IGSF9: variants seen among roughly 807,000 people sequenced by gnomAD.
The protein encoded by IGSF9 is immunoglobulin superfamily member 9.
Under a neutral mutation model 121.7 loss-of-function variants are expected in IGSF9, and 87 were observed. The observed-to-expected ratio is 0.71, with a 90% CI of 0.60 to 0.85. The LOEUF (loss-of-function observed/expected upper bound fraction) is 0.85, where lower values mean the gene tolerates loss of function less well. Ranked by LOEUF, IGSF9 falls within the 40% of genes least tolerant of loss-of-function variation. The pLI is 0.00. For synonymous variants in IGSF9, 640 were observed against 648.4 expected (o/e 0.99, Z 0.20); for missense variants, 1,462 against 1,565.3 (o/e 0.93, Z 1.11).
At position 159,942,930 on chromosome 1, in the gene IGSF9, C is replaced by T. The variant is rs763866189; in HGVS notation, c.247+33G>A. The T allele has an allele frequency of 6.9e-6, 11 of 1,591,784 alleles. No homozygotes were observed. The East Asian group carries it at 1.8e-4, about 26-fold the overall frequency. On this transcript the variant is annotated intron_variant, in intron 3 of 20. Transcript: ENST00000368094. ...ACCCAGCCCACCTTTCTTGCTGATA[C>T]CTCCCTACCTCCCACCTGAGGAGAA...
chr1:159,930,667 T>G (rs749770204), intron 14 of IGSF9, 25 bp downstream of exon 14: 76 of 1,613,354 alleles, frequency 4.7e-5, no homozygotes, highest in Non-Finnish European at 6.4e-5. Context: ...TTGTCTCTGC[T>G]GTTCTGGGAC....
chr1:159,937,725 C>A lies in IGSF9; in HGVS notation c.361G>T (p.Asp121Tyr). The change falls in exon 4 of 21, where the codon GAT becomes TAT. Residue 121 changes from aspartate to tyrosine, a missense_variant. Physicochemically the swap from Asp to Tyr is radical, Grantham distance 160. This residue lies in a region of IGSF9 where 558 missense variants were observed against 599.4 expected (regional missense o/e 0.93). Coordinates refer to ENST00000368094, the MANE Select transcript of IGSF9 (RefSeq NM_001135050.2). ...FFLDQHIPED[D>Y]FANGSWVHLT... is the part of the protein sequence containing the mutation. ...TGCACCCAGGAGCCGTTAGCAAAAT[C>A]GTCTTCAGGGATGTGCTGGTCCAGG... 6.2e-7 allele frequency: 1 copy of A among 1,614,036 alleles called. No individual in the cohort carries two copies. Among genetic ancestry groups the A allele is most frequent in the Non-Finnish European group, 8.5e-7 (1 of 1,179,934 alleles).
chr1:159,932,725 A>T lies in IGSF9; in HGVS notation c.1105-73T>A. 6.8e-7 allele frequency: 1 copy of T among 1,473,464 alleles called. No homozygotes were observed. The highest frequency in any genetic ancestry group is 9.2e-7 in the Non-Finnish European group (1 of 1,088,214). The allele number at this position is 1,473,464 out of a possible 1,614,324, so 91.3% of individuals were successfully genotyped here. ...CAAGCCCGGGATGGCAGTACAAGAG[A>T]GGGGGCAGGATGAGAAACCCACAGC... On this transcript the variant is annotated intron_variant, in intron 9 of 20. Transcript: ENST00000368094. The surrounding 1 kb of genome is among the most constrained non-coding windows in gnomAD (Gnocchi z 4.1).
At chr1:159,937,657 TCTC>T (rs767170754) in intron 4 of IGSF9, 26 bp downstream of exon 4, 26 of 1,602,372 alleles carry the variant, frequency 1.6e-5, no homozygotes, top group South Asian at 2.2e-5. Flanking sequence ...TCCCCGTCCT[TCTC>T]CACCACCTGC....
At chr1:159,930,899 G>A (rs371951652) in intron 13 of IGSF9, 32 bp from the exon 14 acceptor site, 14 of 1,562,284 alleles carry the variant, frequency 9.0e-6, no homozygotes, top group South Asian at 7.0e-5. Context: ...GGGGCACCTC[G>A]TGAGCTAGGA....
intron 3 of IGSF9, among the ~76,000 whole-genome samples, chr1:159,941,501 C>T (rs140578779): frequency 3.9e-5 from 6 of 152,380 alleles, no homozygotes; most frequent in Non-Finnish European, 5.9e-5. Context: ...GGCTACTGCT[C>T]ACAGCCCCTG....
chr1:159,944,681 G>T (rs1233500051), intron 1 of IGSF9, among the ~76,000 whole-genome samples: 4 of 152,120 alleles, frequency 2.6e-5, no homozygotes, highest in African/African-American at 9.7e-5. Context: ...AGAGCCAGAG[G>T]GTCCATGCCA....
At chr1:159,939,353 A>C (rs1409348749) in intron 3 of IGSF9, among the ~76,000 whole-genome samples, 2 of 152,060 alleles carry the variant, frequency 1.3e-5, no homozygotes, top group Non-Finnish European at 2.9e-5. Context: ...TCAGCCTCTC[A>C]AGTAGCTAGT....
rs375522989 is a variant in IGSF9, at chr1:159,927,386, G to C, written c.3499C>G (p.Arg1167Gly). 3.1e-6 allele frequency: 5 copies of C among 1,613,534 alleles called. No individual in the cohort carries two copies. The highest frequency in any genetic ancestry group is 4.5e-5 in the East Asian group (2 of 44,900). ...DATRARLPAY[R>G]QPVPHPEQAT... is the part of the protein sequence containing the mutation. ...TGTTCGGGGTGGGGGACTGGCTGTCGATAGGCTGGTAGCCGAGCCCTAGTA... is the reference window on the plus strand; with the variant it reads ...TGTTCGGGGTGGGGGACTGGCTGTCCATAGGCTGGTAGCCGAGCCCTAGTA... The change falls in exon 21 of 21, where the codon CGA becomes GGA. Residue 1167 changes from arginine to glycine, a missense_variant. Arg to Gly is a moderately radical substitution (Grantham distance 125). Transcript: ENST00000368094.
rs1650996586 is a variant in IGSF9 at position 159,931,497 on chromosome 1, T to C, written c.1469A>G (p.Asn490Ser). Residue 490 changes from asparagine (N) to serine (S), a missense_variant, in exon 12 of 21, where the codon AAT becomes AGT. By Grantham distance (46) the Asn-to-Ser change is conservative. Around this residue, in one of 3 missense-constraint regions of IGSF9, gnomAD observed 96 missense variants for 150.7 expected, o/e 0.64. Coordinates refer to ENST00000368094, the MANE Select transcript of IGSF9 (RefSeq NM_001135050.2). This position sits in a 1 kb window ranked among gnomAD's most constrained non-coding sequence, Gnocchi z 4.8. ...GGAGGTGGCCACTCGGGCCACAGCA[T>C]TGCTGGCACTGCATTCCCAGTGCCC... Reference protein sequence around the residue: ...AHGHWECSASNAVARVATSTN... With the variant: ...AHGHWECSASSAVARVATSTN... The C allele has an allele frequency of 6.2e-7, 1 of 1,614,110 alleles. No individual in the cohort carries two copies. Among genetic ancestry groups the C allele is most frequent in the Non-Finnish European group, 8.5e-7 (1 of 1,179,972 alleles).
Position 159,936,386 on chromosome 1 carries a change from C to G in IGSF9, c.673+13G>C. ...AGGTAACCCTGGACCCCAGCCCTCC[C>G]GCCAGAGAGCACCTAGCACTAGCAG... On this transcript the variant is annotated intron_variant, in intron 6 of 20. Coordinates refer to ENST00000368094, the MANE Select transcript of IGSF9 (RefSeq NM_001135050.2). The G allele has an allele frequency of 6.2e-7, 1 of 1,610,444 alleles. No homozygotes were observed. Among genetic ancestry groups the G allele is most frequent in the South Asian group, 1.1e-5 (1 of 91,010 alleles).
At position 159,931,023 on chromosome 1, in the gene IGSF9, C is replaced by T; in HGVS notation, c.1637+115G>A. On this transcript the variant is annotated intron_variant, in intron 13 of 20. Transcript: ENST00000368094. The surrounding 1 kb of genome is among the most constrained non-coding windows in gnomAD (Gnocchi z 4.8). Reference sequence around the variant, plus strand: ...GAATCTGGAAACAGGGAAGCAGAGCCAGGACTGGTGAGGGATAGAGGGACA... The same window carrying T: ...GAATCTGGAAACAGGGAAGCAGAGCTAGGACTGGTGAGGGATAGAGGGACA... 6.6e-7 allele frequency: 1 copy of T among 1,507,148 alleles called. No individual in the cohort carries two copies. Among genetic ancestry groups the T allele is most frequent in the Non-Finnish European group, 9.0e-7 (1 of 1,107,460 alleles). 93.4% of individuals were successfully genotyped at this position (1,507,148 alleles called of 1,614,324 possible). A position where few individuals can be genotyped will look rare whatever the true frequency, so the allele number is the denominator to read the frequency against.
At position 159,936,268 on chromosome 1, in the gene IGSF9, C is replaced by T. The variant is rs1248869465; in HGVS notation, c.673+131G>A. On this transcript the variant is annotated intron_variant, in intron 6 of 20. Coordinates refer to ENST00000368094, the MANE Select transcript of IGSF9 (RefSeq NM_001135050.2). ...CAGAGCAACAGCCTGCATTGGGAAC[C>T]CCCTTAGCTTCCACGGGCCCTGCCC... 4 of 761,736 alleles carry T rather than the reference C, an allele frequency of 5.3e-6. No homozygotes were observed. In the East Asian group the frequency reaches 7.5e-5, roughly 14 times the overall value. The allele number at this position is 761,736 out of a possible 1,614,324, so 47.2% of individuals were successfully genotyped here. A position where few individuals can be genotyped will look rare whatever the true frequency, so the allele number is the denominator to read the frequency against.
rs752855170 is a variant in IGSF9, at chr1:159,931,269, G to A, written c.1514-8C>T. On this transcript the variant is annotated splice_polypyrimidine_tract_variant and splice_region_variant and intron_variant, in intron 12 of 20. Transcript: ENST00000368094. The surrounding 1 kb of genome is among the most constrained non-coding windows in gnomAD (Gnocchi z 4.8). The stretch of plus-strand genomic sequence containing the variant: ...CAACATGAGGGCTAGTGCCTAGGCA[G>A]GGGGGAATGGAGGGATGGTGGTCAG... 3.2e-5 allele frequency: 51 copies of A among 1,612,894 alleles called. No homozygotes were observed. In the Admixed American group the frequency reaches 5.3e-4, roughly 17 times the overall value.
chr1:159,930,678 G>T lies in IGSF9; in HGVS notation c.1813+14C>A. 1 of 1,613,730 alleles carries T rather than the reference G, an allele frequency of 6.2e-7. No individual in the cohort carries two copies. Among genetic ancestry groups the T allele is most frequent in the South Asian group, 1.1e-5 (1 of 91,018 alleles). On this transcript the variant is annotated intron_variant, in intron 14 of 20. Transcript: ENST00000368094. ...ATCCTTGTCTCTGCTGTTCTGGGAC[G>T]AGAAGCTTCTCACCTTCCGGAGCAG...
chr1:159,932,433 C>G lies in IGSF9; in HGVS notation c.1245+79G>C. On this transcript the variant is annotated intron_variant, in intron 10 of 20. Transcript: ENST00000368094. This position sits in a 1 kb window ranked among gnomAD's most constrained non-coding sequence, Gnocchi z 4.1. The stretch of plus-strand genomic sequence containing the variant: ...CCCCATGTGTCTGCCCCACCCCACC[C>G]CCATCAGCCTGGCCTTAGCACCATC... 1 of 1,423,538 alleles carries G rather than the reference C, an allele frequency of 7.0e-7. No individual in the cohort carries two copies. Among genetic ancestry groups the G allele is most frequent in the East Asian group, 2.4e-5 (1 of 41,896 alleles). 88.2% of individuals were successfully genotyped at this position (1,423,538 alleles called of 1,614,324 possible).
intron 7 of IGSF9, 26 bp from the exon 8 acceptor site, chr1:159,934,596 G>C: frequency 6.2e-7 from 1 of 1,613,114 alleles, no homozygotes; most frequent in Non-Finnish European, 8.5e-7. Context: ...TGTGAGGAGG[G>C]GTCCAGGCCT....
chr1:159,927,136 A>T lies in IGSF9; in HGVS notation c.*209T>A. The T allele has an allele frequency of 1.7e-6, 1 of 603,870 alleles. No homozygotes were observed. Among genetic ancestry groups the T allele is most frequent in the Non-Finnish European group, 2.9e-6 (1 of 339,890 alleles). 37.4% of individuals were successfully genotyped at this position (603,870 alleles called of 1,614,324 possible). On this transcript the variant is annotated 3_prime_UTR_variant, in exon 21 of 21. Transcript: ENST00000368094. ...GAGAGAGAGAGAGAGAGAGAGGCAG[A>T]CCTAAGATCCCTGTTCCAATCCCCA... is the stretch of plus-strand genomic sequence containing the variant.
In IGSF9 at chr1:159,928,743, C is replaced by T. The variant is rs777408697; in HGVS notation, c.2645G>A (p.Arg882Gln). The change falls in exon 19 of 21, where the codon CGG (arginine) becomes CAG (glutamine). Residue 882 changes from arginine (R) to glutamine (Q), a missense_variant. By Grantham distance (43) the Arg-to-Gln change is conservative (BLOSUM62 1). This residue lies in a region of IGSF9 where 808 missense variants were observed against 815.2 expected (regional missense o/e 0.99). Transcript: ENST00000368094. The part of the protein sequence containing the change: ...EPRTPAQRLA[R>Q]SFDCSSSSPS... ...GCTGCTGCTGCTACAGTCAAAGGAC[C>T]GGGCCAGACGCTGGGCTGGAGTCCG... is the stretch of plus-strand genomic sequence containing the variant. 21 of 1,476,116 alleles carry T rather than the reference C, an allele frequency of 1.4e-5. No individual in the cohort carries two copies. Among genetic ancestry groups the T allele is most frequent in the Admixed American group, 5.2e-5 (2 of 38,804 alleles). The allele number at this position is 1,476,116 out of a possible 1,614,324, so 91.4% of individuals were successfully genotyped here.
Sources: gnomAD v4.1 joint callset for allele counts (sites outside exome capture counted in the v4.1 genomes callset) on GRCh38, gnomAD v4.1.1 for gene constraint, gnomAD v4.1.1 regional missense constraint, Gnocchi (gnomAD v3.1) non-coding constraint, MANE v1.5 for transcripts, NCBI Gene and HGNC (gene_info 2026-07-23, HGNC 2026-07-21) for gene names.